PECAM1: variants seen among roughly 807,000 people sequenced by gnomAD.
PECAM1 encodes the protein platelet endothelial cell adhesion molecule.
Under a neutral mutation model 13.8 loss-of-function variants are expected in PECAM1, and 8 were observed. The ratio of observed to expected loss-of-function variants is 0.58; its 90% CI spans 0.34 to 1.05. PECAM1 has a LOEUF of 1.05. Among genes scored for constraint, PECAM1 ranks in the 50% least tolerant of loss-of-function variants. The probability of loss-of-function intolerance (pLI) is 0.03; values close to 1 mark genes in which losing one functional copy is unlikely to be tolerated. For missense variants in PECAM1, 304 were observed against 141.2 expected (o/e 2.15, Z -5.84); for synonymous variants, 136 against 52.6 (o/e 2.58, Z -6.86).
chr17:64,366,894 C>T (rs1271808269), intron 5 of PECAM1, among the ~76,000 whole-genome samples: 10 of 148,574 alleles, frequency 6.7e-5, no homozygotes, highest in African/African-American at 1.2e-4. Context: ...TTAATGGGTG[C>T]GGTACACCAG....
intron 14 of PECAM1, among the ~76,000 whole-genome samples, chr17:64,338,955 T>C (rs1485408323): frequency 6.6e-6 from 1 of 152,206 alleles, no homozygotes; most frequent in African/African-American, 2.4e-5. Context: ...GTTAATAAAC[T>C]CTGTTTTCCT....
chr17:64,344,371 G>A (rs1038216530), intron 13 of PECAM1, among the ~76,000 whole-genome samples: 20 of 152,234 alleles, frequency 1.3e-4, no homozygotes, highest in Non-Finnish European at 2.5e-4. Context: ...TGCTGTCAGG[G>A]ATGTTTCCGG....
rs2034814994 is a variant in PECAM1, at chr17:64,321,708, C to T, written c.*2108G>A. On this transcript the variant is annotated 3_prime_UTR_variant, in exon 16 of 16. Coordinates refer to ENST00000563924, the MANE Select transcript of PECAM1 (RefSeq NM_000442.5). ...CCCAGGGGTTCGAGGCTGCGGTGAG[C>T]CATTGTTGTGCCACTGCACTCCAGC... 2.1e-6 allele frequency: 2 copies of T among 944,160 alleles called. No homozygotes were observed. The highest frequency in any genetic ancestry group is 2.8e-6 in the Non-Finnish European group (2 of 718,628). 58.5% of individuals were successfully genotyped at this position (944,160 alleles called of 1,614,324 possible). A position where few individuals can be genotyped will look rare whatever the true frequency, so the allele number is the denominator to read the frequency against.
intron 4 of PECAM1, chr17:64,370,390 T>A (rs1430531861): frequency 6.0e-6 from 1 of 167,596 alleles, no homozygotes; most frequent in Non-Finnish European, 1.3e-5. Context: ...CATGGAAGCT[T>A]GGCATTTCAG....
rs2036203560 is a variant in PECAM1, at chr17:64,369,954, T to C, written c.763A>G (p.Lys255Glu). The change falls in exon 5 of 16, where the codon AAG (lysine) becomes GAG (glutamate). Residue 255 changes from lysine to glutamate, a missense_variant. Physicochemically the swap from Lys to Glu is moderately conservative, Grantham distance 56. Coordinates refer to ENST00000563924, the MANE Select transcript of PECAM1 (RefSeq NM_000442.5). Reference sequence around the variant, plus strand: ...AGGTGAGTCACTTGAATGGTGCACTTAATGTGGAGCTGAGCTCCTTCCATG... The same window carrying C: ...AGGTGAGTCACTTGAATGGTGCACTCAATGTGGAGCTGAGCTCCTTCCATG... ...MIMEGAQLHI[K>E]CTIQVTHLAQ... The C allele has an allele frequency of 5.0e-6, 2 of 398,480 alleles. No individual in the cohort carries two copies. The highest frequency in any genetic ancestry group is 8.8e-6 in the Non-Finnish European group (2 of 226,086). 24.7% of individuals were successfully genotyped at this position (398,480 alleles called of 1,614,324 possible). A position where few individuals can be genotyped will look rare whatever the true frequency, so the allele number is the denominator to read the frequency against.
chr17:64,389,161 G>A (rs1263451161), intron 2 of PECAM1, among the ~76,000 whole-genome samples: 4 of 152,158 alleles, frequency 2.6e-5, no homozygotes, highest in Non-Finnish European at 4.4e-5. Flanking sequence ...CCACTGCTCC[G>A]AGGCTTGACT....
rs1555644315 is a variant in PECAM1, at chr17:64,320,843, G to A, written c.*2973C>T. The A allele has an allele frequency of 6.6e-6, 1 of 152,212 alleles. No individual in the cohort carries two copies. The highest frequency in any genetic ancestry group is 2.4e-5 in the African/African-American group (1 of 41,440). The allele number at this position is 152,212 out of a possible 1,614,324, so 9.4% of individuals were successfully genotyped here. A position where few individuals can be genotyped will look rare whatever the true frequency, so the allele number is the denominator to read the frequency against. ...TGGCCATTATTGGCATTTGGGACTT[G>A]ATCATGCTTGGTCGTGGGAGACGGT... is the stretch of plus-strand genomic sequence containing the variant. On this transcript the variant is annotated 3_prime_UTR_variant, in exon 16 of 16. Coordinates refer to ENST00000563924, the MANE Select transcript of PECAM1 (RefSeq NM_000442.5).
At chr17:64,332,391 G>A (rs2035148605) in intron 14 of PECAM1, among the ~76,000 whole-genome samples, 1 of 152,124 alleles carries the variant, frequency 6.6e-6, no homozygotes, top group Admixed American at 6.5e-5. Flanking sequence ...AGAACCTCAA[G>A]TAGGCATTTT....
At chr17:64,350,639 CTTTCT>C (rs199493357) in intron 11 of PECAM1, among the ~76,000 whole-genome samples, 55,712 of 143,096 alleles carry the variant, frequency 0.39, 11,383 homozygotes, top group South Asian at 0.56. Flanking sequence ...TTTTTTCTTT[CTTTCT>C]TTTTTTTTTT....
chr17:64,328,708 G>T (rs1399171273), intron 15 of PECAM1, among the ~76,000 whole-genome samples: 1 of 152,198 alleles, frequency 6.6e-6, no homozygotes, highest in African/African-American at 2.4e-5. Context: ...GAAGCCAGGG[G>T]CCCACTGGAA....
At chr17:64,330,199 T>A (rs7225219) in intron 14 of PECAM1, among the ~76,000 whole-genome samples, 113,887 of 151,928 alleles carry the variant, frequency 0.75, 43,701 homozygotes, top group African/African-American at 0.93. Context: ...TTGTATTTTT[T>A]GTAGAAATGG....
intron 15 of PECAM1, among the ~76,000 whole-genome samples, chr17:64,328,079 T>A (rs2035006730): frequency 6.6e-6 from 1 of 152,340 alleles, no homozygotes; most frequent in South Asian, 2.1e-4. Flanking sequence ...CAGTCATGGG[T>A]GAGCTCTCAG....
At position 64,351,978 on chromosome 17, in the gene PECAM1, A is replaced by G. The variant is rs8069023; in HGVS notation, c.1990+412T>C. ...TTTACTGAGAGAATATTGAAATTGC[A>G]TTCCCTTTGTGGCAAATTTGAAGTA... On this transcript the variant is annotated intron_variant, in intron 11 of 15. Coordinates refer to ENST00000563924, the MANE Select transcript of PECAM1 (RefSeq NM_000442.5). Among the ~76,000 whole-genome samples the G allele has an allele frequency of 2.0e-5, 3 of 152,252 alleles. No homozygotes were observed. The East Asian group carries it at 5.8e-4, about 29-fold the overall frequency.
At chr17:64,384,157 C>T (rs1186637125) in intron 2 of PECAM1, among the ~76,000 whole-genome samples, 6 of 152,010 alleles carry the variant, frequency 3.9e-5, no homozygotes, top group South Asian at 4.1e-4. Flanking sequence ...TAACAATAAA[C>T]GAACTCAATG....
intron 15 of PECAM1, among the ~76,000 whole-genome samples, chr17:64,325,214 T>C (rs2143657835): frequency 6.6e-6 from 1 of 151,292 alleles, no homozygotes; most frequent in Middle Eastern, 3.5e-3. Flanking sequence ...TAGTGAAACC[T>C]TGTCTCTACT....
intron 4 of PECAM1, among the ~76,000 whole-genome samples, chr17:64,372,290 T>C (rs8068521): frequency 0.47 from 70,727 of 151,808 alleles, 16,691 homozygotes; most frequent in South Asian, 0.58. Context: ...GGTAAGGATG[T>C]GGGAAAACAA....
At chr17:64,370,168 C>T in intron 4 of PECAM1, 143 bp from the exon 5 acceptor site, 1 of 396,284 alleles carries the variant, frequency 2.5e-6, no homozygotes, top group Non-Finnish European at 4.4e-6. Context: ...TTCTCTAGAA[C>T]TTTTGCCTTG....
intron 3 of PECAM1, among the ~76,000 whole-genome samples, chr17:64,375,975 T>A (rs2036348401): frequency 6.6e-6 from 1 of 151,900 alleles, no homozygotes; most frequent in African/African-American, 2.4e-5. Context: ...ACACACTGGG[T>A]ACAGTGTACA....
chr17:64,349,771 G>C (rs2035671220), intron 12 of PECAM1, among the ~76,000 whole-genome samples: 1 of 151,814 alleles, frequency 6.6e-6, no homozygotes, highest in Non-Finnish European at 1.5e-5. Flanking sequence ...TGTAGTCCCA[G>C]TTACTTGGGA....
Sources: allele counts gnomAD v4.1 joint callset (sites outside exome capture counted in the v4.1 genomes callset), GRCh38; gene constraint gnomAD v4.1.1; transcripts MANE v1.5; gene names NCBI Gene and HGNC (gene_info 2026-07-23, HGNC 2026-07-21).